Variants in FILIP1 observed in about 807,000 individuals in gnomAD.
The protein encoded by FILIP1 is filamin A interacting protein 1, also known as filamin-A-interacting protein 1.
FILIP1 carries 61 observed loss-of-function variants against 102.1 expected under a neutral mutation model. The observed-to-expected ratio is 0.60, with a 90% CI of 0.49 to 0.74. FILIP1 has a LOEUF of 0.74. FILIP1 is among the 30% of genes least tolerant of loss of function. The pLI is 0.00. For missense variants in FILIP1, 1,314 were observed against 1,441.2 expected (o/e 0.91, Z 1.43); for synonymous variants, 491 against 526.9 (o/e 0.93, Z 0.93).
At chr6:75,350,143 G>C (rs1292420161) in intron 4 of FILIP1, among the ~76,000 whole-genome samples, 2 of 152,118 alleles carry the variant, frequency 1.3e-5, no homozygotes, top group East Asian at 1.9e-4. Context: ...CTGTCAGAGA[G>C]TGCCCACGGC....
Position 75,314,746 on chromosome 6 carries a change from T to A in FILIP1, c.1086A>T (p.Leu362Phe). 6 of 1,614,188 alleles carry A rather than the reference T, an allele frequency of 3.7e-6. No individual in the cohort carries two copies. Among genetic ancestry groups the A allele is most frequent in the Non-Finnish European group, 5.1e-6 (6 of 1,180,024 alleles). The part of the protein sequence containing the change: ...LQKAEEELQE[L>F]RDKIAKGECG... ...ATTCTCCTTTGGCAATTTTATCTCTTAATTCTTGAAGTTCTTCCTCTGCCT... is the reference window on the plus strand; with the variant it reads ...ATTCTCCTTTGGCAATTTTATCTCTAAATTCTTGAAGTTCTTCCTCTGCCT... The change falls in exon 5 of 6, where the codon TTA (leucine) becomes TTT (phenylalanine). Residue 362 changes from leucine to phenylalanine, a missense_variant. This residue lies in a region of FILIP1 where 494 missense variants were observed against 511.2 expected (regional missense o/e 0.97). Transcript: ENST00000237172.
chr6:75,364,711 C>T (rs1017052198), intron 2 of FILIP1, among the ~76,000 whole-genome samples: 1 of 152,166 alleles, frequency 6.6e-6, no homozygotes, highest in Non-Finnish European at 1.5e-5. Context: ...TTTTAAGGCT[C>T]CCAGGTGATT....
intron 1 of FILIP1, among the ~76,000 whole-genome samples, chr6:75,424,280 AG>A (rs1211549891): frequency 6.6e-6 from 1 of 152,208 alleles, no homozygotes; most frequent in Non-Finnish European, 1.5e-5. Context: ...GTTTAGTCAC[AG>A]GGCATAGCAT....
At chr6:75,484,571 A>G (rs1422873285) in intron 1 of FILIP1, among the ~76,000 whole-genome samples, 3 of 152,206 alleles carry the variant, frequency 2.0e-5, no homozygotes, top group Non-Finnish European at 4.4e-5. Flanking sequence ...GCACCCTCTC[A>G]GGCCAATTTA....
At chr6:75,487,461 G>A (rs1373886209) in intron 1 of FILIP1, among the ~76,000 whole-genome samples, 1 of 152,050 alleles carries the variant, frequency 6.6e-6, no homozygotes, top group African/African-American at 2.4e-5. Context: ...AAGAGGCAAG[G>A]CCTAAAATGA....
At chr6:75,450,754 A>G (rs1239554937) in intron 1 of FILIP1, among the ~76,000 whole-genome samples, 1 of 151,930 alleles carries the variant, frequency 6.6e-6, no homozygotes, top group Non-Finnish European at 1.5e-5. Context: ...TTGGGAGTTC[A>G]AGACCAGCCT....
chr6:75,345,987 A>G (rs1774568706), intron 4 of FILIP1, among the ~76,000 whole-genome samples: 1 of 152,212 alleles, frequency 6.6e-6, no homozygotes, highest in Non-Finnish European at 1.5e-5. Context: ...ATTAACTAAA[A>G]TTCTCAGTTA....
At chr6:75,453,786 AG>A (rs1297217182) in intron 1 of FILIP1, among the ~76,000 whole-genome samples, 2 of 152,166 alleles carry the variant, frequency 1.3e-5, no homozygotes, top group Non-Finnish European at 2.9e-5. Flanking sequence ...CACTCTGGCC[AG>A]GGTGAAAGGG....
intron 3 of FILIP1, among the ~76,000 whole-genome samples, chr6:75,359,613 T>A (rs1283785188): frequency 6.6e-6 from 1 of 152,194 alleles, no homozygotes; most frequent in East Asian, 1.9e-4. Flanking sequence ...AACAAATGTC[T>A]GGGAGCACTT....
intron 1 of FILIP1, among the ~76,000 whole-genome samples, chr6:75,447,969 A>T (rs1778493988): frequency 6.6e-6 from 1 of 151,374 alleles, no homozygotes; most frequent in Non-Finnish European, 1.5e-5. Context: ...TTTCAAACAT[A>T]AAAAAAAATA....
intron 1 of FILIP1, among the ~76,000 whole-genome samples, chr6:75,473,134 G>A (rs529688985): frequency 6.6e-6 from 1 of 152,260 alleles, no homozygotes; most frequent in South Asian, 2.1e-4. Context: ...AATTTGAGAA[G>A]ATCATATGTT....
intron 2 of FILIP1, chr6:75,367,646 A>G (rs1775382189): frequency 6.6e-6 from 1 of 152,224 alleles, no homozygotes; most frequent in African/African-American, 2.4e-5. Context: ...ACTCTGTCTC[A>G]AAAGAATAAT....
intron 1 of FILIP1, among the ~76,000 whole-genome samples, chr6:75,434,681 A>AT (rs1164294698): frequency 1.3e-5 from 2 of 152,206 alleles, no homozygotes; most frequent in East Asian, 3.9e-4. Context: ...CTCTTTATTT[A>AT]TTTCTCCTGC....
intron 1 of FILIP1, among the ~76,000 whole-genome samples, chr6:75,473,455 C>T (rs1168290007): frequency 1.3e-5 from 2 of 151,960 alleles, no homozygotes; most frequent in Non-Finnish European, 2.9e-5. Context: ...GATGAATATC[C>T]TTGTTTGTAG....
At chr6:75,330,415 G>A (rs946565828) in intron 4 of FILIP1, among the ~76,000 whole-genome samples, 3 of 151,860 alleles carry the variant, frequency 2.0e-5, no homozygotes, top group African/African-American at 7.3e-5. Flanking sequence ...TTCTCCTCTT[G>A]TCTTATAAAG....
chr6:75,481,407 A>G (rs750448111), intron 1 of FILIP1, among the ~76,000 whole-genome samples: 7 of 152,166 alleles, frequency 4.6e-5, no homozygotes, highest in Admixed American at 1.3e-4. Flanking sequence ...AGTTGTTTTG[A>G]CATTGTATGA....
rs970606184 is a variant in FILIP1 at position 75,470,340 on chromosome 6, G to T, written c.-7+23074C>A. Among the ~76,000 whole-genome samples the T allele has an allele frequency of 4.6e-5, 7 of 152,254 alleles. No individual in the cohort carries two copies. The East Asian group carries it at 1.3e-3, about 29-fold the overall frequency. ...AATACACAAGTAGTTTGAAGAAACA[G>T]AATAGAGTTCAAAAAACAGACTCAC... is the stretch of plus-strand genomic sequence containing the variant. On this transcript the variant is annotated intron_variant, in intron 1 of 5. Coordinates refer to ENST00000237172, the MANE Select transcript of FILIP1 (RefSeq NM_015687.5).
At chr6:75,357,986 A>C (rs1405631227) in intron 3 of FILIP1, among the ~76,000 whole-genome samples, 6 of 152,216 alleles carry the variant, frequency 3.9e-5, no homozygotes. Flanking sequence ...ATGACTAGTG[A>C]AAGTAGAATA....
intron 1 of FILIP1, among the ~76,000 whole-genome samples, chr6:75,478,673 C>G (rs865934091): frequency 1.3e-5 from 2 of 152,112 alleles, no homozygotes; most frequent in African/African-American, 4.8e-5. Context: ...TGTGGCTTGT[C>G]TATAAATTCG....
Sources: allele counts gnomAD v4.1 joint callset (sites outside exome capture counted in the v4.1 genomes callset), GRCh38; gene constraint gnomAD v4.1.1; regional missense constraint gnomAD v4.1.1; transcripts MANE v1.5; gene names NCBI Gene and HGNC (gene_info 2026-07-23, HGNC 2026-07-21).